Variants in CNTN5 observed in about 807,000 individuals in gnomAD.
The protein encoded by CNTN5 is contactin 5.
Under a neutral mutation model 129.1 loss-of-function variants are expected in CNTN5, and 77 were observed. The ratio of observed to expected loss-of-function variants is 0.60; its 90% CI spans 0.50 to 0.72. The LOEUF is 0.72. Among genes scored for constraint, CNTN5 ranks in the 30% least tolerant of loss-of-function variants. The probability of loss-of-function intolerance (pLI) is 0.00; values close to 1 mark genes in which losing one functional copy is unlikely to be tolerated. For missense variants in CNTN5, 1,478 were observed against 1,328.8 expected (o/e 1.11, Z -1.75); for synonymous variants, 509 against 465.6 (o/e 1.09, Z -1.20).
At chr11:99,557,872 C>T (rs1790273) in intron 3 of CNTN5, among the ~76,000 whole-genome samples, 148,660 of 151,690 alleles carry the variant, frequency 0.98, 72,925 homozygotes, top group East Asian at 1. Flanking sequence ...TACCTGCACT[C>T]ATCTAAATGC....
intron 6 of CNTN5, among the ~76,000 whole-genome samples, chr11:99,899,636 G>C (rs998522164): frequency 6.6e-6 from 1 of 151,904 alleles, no homozygotes; most frequent in African/African-American, 2.4e-5. Context: ...CTAGTGTTTT[G>C]TTGAGGAGTT....
intron 3 of CNTN5, among the ~76,000 whole-genome samples, chr11:99,798,814 C>G (rs1447570709): frequency 6.6e-6 from 1 of 151,934 alleles, no homozygotes; most frequent in Non-Finnish European, 1.5e-5. Flanking sequence ...GATGTTTGTA[C>G]GTTCGTAGGA....
intron 9 of CNTN5, among the ~76,000 whole-genome samples, chr11:100,002,849 C>CTT (rs60287069): frequency 2.1e-4 from 32 of 150,794 alleles, no homozygotes; most frequent in South Asian, 6.3e-4. Flanking sequence ...GTGTTGTTTT[C>CTT]TTTTTTTTTA....
chr11:99,637,035 A>AAAAAAAAAAAAAAAAAAAAAAAAAAC (rs1951586856), intron 3 of CNTN5, among the ~76,000 whole-genome samples: 1 of 139,042 alleles, frequency 7.2e-6, no homozygotes, highest in Non-Finnish European at 1.6e-5. Flanking sequence ...AAAAAAAAAA[A>AAAAAAAAAAAAAAAAAAAAAAAAAAC]AAAAAAGTAA....
At chr11:99,965,636 G>A (rs1031274283) in intron 8 of CNTN5, among the ~76,000 whole-genome samples, 1 of 152,146 alleles carries the variant, frequency 6.6e-6, no homozygotes, top group African/African-American at 2.4e-5. Flanking sequence ...TGTATATTTT[G>A]TTGATTTGGG....
chr11:99,213,589 A>C (rs767086229), intron 1 of CNTN5, among the ~76,000 whole-genome samples: 60 of 151,712 alleles, frequency 4.0e-4, no homozygotes, highest in Non-Finnish European at 7.1e-4. Context: ...ACTTAAAAAC[A>C]ATAAAAACAG....
chr11:100,161,782 T>G (rs1947455001), intron 13 of CNTN5, among the ~76,000 whole-genome samples: 1 of 150,236 alleles, frequency 6.7e-6, no homozygotes, highest in African/African-American at 2.5e-5. Context: ...CTGTGCTTTT[T>G]TAGACTAGTA....
At chr11:99,325,178 C>A (rs1268739054) in intron 1 of CNTN5, among the ~76,000 whole-genome samples, 168 bp from the exon 2 acceptor site, 1 of 151,418 alleles carries the variant, frequency 6.6e-6, no homozygotes, top group Non-Finnish European at 1.5e-5. Context: ...CATAAATATA[C>A]CTAATTAGAA....
chr11:100,234,815 A>G (rs13377498), intron 16 of CNTN5, among the ~76,000 whole-genome samples: 2,112 of 148,652 alleles, frequency 0.014, 49 homozygotes, highest in African/African-American at 0.05. Flanking sequence ...AAAAAAAAAA[A>G]AAGAAGAAGA....
At chr11:100,083,317 CA>C (rs71050046) in intron 13 of CNTN5, among the ~76,000 whole-genome samples, 7,728 of 127,836 alleles carry the variant, frequency 0.06, 501 homozygotes, top group African/African-American at 0.17. Flanking sequence ...AACTCTGTCT[CA>C]AAAAAAAAAA....
chr11:99,300,252 G>T (rs1418093017), intron 1 of CNTN5, among the ~76,000 whole-genome samples: 1 of 151,870 alleles, frequency 6.6e-6, no homozygotes, highest in African/African-American at 2.4e-5. Flanking sequence ...GTTGTCAGTA[G>T]GTTTGTCATA....
chr11:99,180,767 T>G (rs1215395019), intron 1 of CNTN5, among the ~76,000 whole-genome samples: 1 of 152,174 alleles, frequency 6.6e-6, no homozygotes, highest in Non-Finnish European at 1.5e-5. Flanking sequence ...AGATTACAGA[T>G]ACGGGGTAAG....
At chr11:99,450,971 T>G (rs1944281190) in intron 2 of CNTN5, among the ~76,000 whole-genome samples, 1 of 152,014 alleles carries the variant, frequency 6.6e-6, no homozygotes, top group Non-Finnish European at 1.5e-5. Context: ...AGATAAGATG[T>G]GTAAAAGGAA....
chr11:99,267,083 C>A lies in CNTN5; in HGVS notation c.-209-58263C>A, dbSNP rs114792574. 6.3e-3 allele frequency among the ~76,000 whole-genome samples: 959 copies of A among 152,044 alleles called. 9 individuals carry two copies. The highest frequency in any genetic ancestry group is 0.02 in the African/African-American group (845 of 41,514). On this transcript the variant is annotated intron_variant, in intron 1 of 24. Transcript: ENST00000524871. ...GGATAAGACGTGAATTCTAAAACTTCTTAAATGGTAATAACATGGAGAAGA... is the reference window on the plus strand; with the variant it reads ...GGATAAGACGTGAATTCTAAAACTTATTAAATGGTAATAACATGGAGAAGA...
At chr11:99,905,950 T>C (rs1167437050) in intron 6 of CNTN5, among the ~76,000 whole-genome samples, 1 of 152,298 alleles carries the variant, frequency 6.6e-6, no homozygotes, top group South Asian at 2.1e-4. Context: ...TTGTCTGTTA[T>C]TGGTGTATAG....
At chr11:99,978,933 G>A (rs374099089) in intron 8 of CNTN5, among the ~76,000 whole-genome samples, 1 of 152,178 alleles carries the variant, frequency 6.6e-6, no homozygotes, top group East Asian at 1.9e-4. Context: ...TATAAGGTCA[G>A]GCAGAGAGCT....
chr11:99,853,425 G>A (rs1947938217), intron 6 of CNTN5, among the ~76,000 whole-genome samples: 1 of 151,718 alleles, frequency 6.6e-6, no homozygotes. Context: ...TTGAGACGGA[G>A]TTTTACTCTT....
chr11:99,110,536 A>G (rs948941521), intron 1 of CNTN5, among the ~76,000 whole-genome samples: 1 of 152,140 alleles, frequency 6.6e-6, no homozygotes, highest in African/African-American at 2.4e-5. Context: ...TGGTACTTCT[A>G]CTATTACTGA....
intron 3 of CNTN5, among the ~76,000 whole-genome samples, chr11:99,758,699 A>C (rs1944482083): frequency 1.3e-5 from 2 of 152,064 alleles, no homozygotes; most frequent in African/African-American, 4.8e-5. Flanking sequence ...ATTGATTACT[A>C]AATGACTAGC....
Sources: allele counts gnomAD v4.1 joint callset (sites outside exome capture counted in the v4.1 genomes callset), GRCh38; gene constraint gnomAD v4.1.1; transcripts MANE v1.5; gene names NCBI Gene and HGNC (gene_info 2026-07-23, HGNC 2026-07-21).